ZBTB4: variants seen among roughly 807,000 people sequenced by gnomAD.
The protein encoded by ZBTB4 is zinc finger and BTB domain-containing protein 4.
ZBTB4 carries 14 observed loss-of-function variants against 59.8 expected under a neutral mutation model. That is an observed-to-expected ratio of 0.23 (90% CI 0.15 to 0.37). The LOEUF is 0.37. Among genes scored for constraint, ZBTB4 ranks in the 10% least tolerant of loss-of-function variants. The pLI is 1.00. For missense variants in ZBTB4, 1,198 were observed against 1,380.8 expected, an observed-to-expected ratio of 0.87 and a Z score of 2.10; for synonymous variants, 587 against 575.2, an observed-to-expected ratio of 1.02 and a Z score of -0.29.
intron 1 of ZBTB4, among the ~76,000 whole-genome samples, chr17:7,468,698 C>G (rs1287268450): frequency 6.6e-6 from 1 of 152,180 alleles, no homozygotes; most frequent in African/African-American, 2.4e-5. Flanking sequence ...CCGTGGGCCA[C>G]GTGTCTTCAG....
At chr17:7,464,952 C>T (rs1300306811) in intron 3 of ZBTB4, among the ~76,000 whole-genome samples, 2 of 150,076 alleles carry the variant, frequency 1.3e-5, no homozygotes, top group Non-Finnish European at 3.0e-5. Flanking sequence ...GTCAGGAAAT[C>T]GAGACCATAC....
chr17:7,468,350 G>A (rs1480631201), intron 1 of ZBTB4, among the ~76,000 whole-genome samples: 3 of 151,762 alleles, frequency 2.0e-5, no homozygotes, highest in Non-Finnish European at 4.4e-5. Flanking sequence ...TCCAGCCTGG[G>A]CAACAAGAGC....
rs768033681 is a variant in ZBTB4, at chr17:7,462,583, A to G, written c.2399T>C (p.Ile800Thr). 9 of 1,612,900 alleles carry G rather than the reference A, an allele frequency of 5.6e-6. No individual in the cohort carries two copies. The change falls in exon 4 of 4, where the codon ATT (isoleucine) becomes ACT (threonine). Residue 800 changes from isoleucine to threonine, a missense_variant. Coordinates refer to ENST00000380599, the MANE Select transcript of ZBTB4 (RefSeq NM_001128833.2). This position sits in a 1 kb window ranked among gnomAD's most constrained non-coding sequence, Gnocchi z 7.5. The stretch of plus-strand genomic sequence containing the variant: ...GCCAGCGCTGCCCTTGGAATAGGCA[A>G]TGACAGGGGTTGGGGTGCCCCCGGG... ...ERPGGTPTPV[I>T]AYSKGSAGTR... is the part of the protein sequence containing the mutation.
rs2070274087 is a variant in ZBTB4, at chr17:7,476,735, C to T, written c.-81+2721G>A. 3.9e-5 allele frequency among the ~76,000 whole-genome samples: 6 copies of T among 152,204 alleles called. No individual in the cohort carries two copies. The South Asian group carries it at 1.2e-3, about 31-fold the overall frequency. On this transcript the variant is annotated intron_variant, in intron 1 of 3. Coordinates refer to ENST00000380599, the MANE Select transcript of ZBTB4 (RefSeq NM_001128833.2). Reference sequence around the variant, plus strand: ...TTGTGCTCCTATGGCCAGCATCCACCTTACACAGCAGCAGAGACTCAGGTT... The same window carrying T: ...TTGTGCTCCTATGGCCAGCATCCACTTTACACAGCAGCAGAGACTCAGGTT...
chr17:7,462,504 T>G lies in ZBTB4; in HGVS notation c.2478A>C (p.Ser826=). ...EEAPQEMQVS[S]SSGEAGGGST... ...TCCCGCCACCTGCCTCACCGCTGGATGAGGAGACTTGCATCTCTTGGGGGG... is the reference window on the plus strand; with the variant it reads ...TCCCGCCACCTGCCTCACCGCTGGAGGAGGAGACTTGCATCTCTTGGGGGG... The change falls in exon 4 of 4, where the codon TCA becomes TCC. Residue 826 remains serine (S), a synonymous_variant. Transcript: ENST00000380599. This position sits in a 1 kb window ranked among gnomAD's most constrained non-coding sequence, Gnocchi z 7.5. 2 of 1,614,012 alleles carry G rather than the reference T, an allele frequency of 1.2e-6. No individual in the cohort carries two copies. The highest frequency in any genetic ancestry group is 1.7e-6 in the Non-Finnish European group (2 of 1,180,008).
At chr17:7,478,745 T>C (rs2070303015) in intron 1 of ZBTB4, among the ~76,000 whole-genome samples, 1 of 152,166 alleles carries the variant, frequency 6.6e-6, no homozygotes, top group African/African-American at 2.4e-5. Flanking sequence ...TACCCATCTG[T>C]CACCCAAAGC....
At chr17:7,480,741 A>T (rs931422557), upstream of ZBTB4, among the ~76,000 whole-genome samples, 3 of 152,006 alleles carry the variant, frequency 2.0e-5, no homozygotes, top group African/African-American at 7.3e-5. Context: ...AACAACAAAA[A>T]AACCTCTCTG....
intron 1 of ZBTB4, among the ~76,000 whole-genome samples, chr17:7,477,386 C>T (rs34293835): frequency 0.074 from 11,235 of 152,222 alleles, 624 homozygotes; most frequent in Admixed American, 0.14. Context: ...AGCCCTGGAC[C>T]ATGGCTCCTT....
chr17:7,470,174 G>C (rs1248876691), intron 1 of ZBTB4, among the ~76,000 whole-genome samples: 2 of 152,132 alleles, frequency 1.3e-5, no homozygotes, highest in Non-Finnish European at 2.9e-5. Flanking sequence ...GAGGCAGGTG[G>C]ATCCCTTGAG....
chr17:7,466,435 G>A lies in ZBTB4; in HGVS notation c.367C>T (p.Pro123Ser). The A allele has an allele frequency of 1.2e-6, 2 of 1,613,694 alleles. No homozygotes were observed. Among genetic ancestry groups the A allele is most frequent in the South Asian group, 1.1e-5 (1 of 91,006 alleles). ...ACTCCTGGCAACTCCAGGACCCGGGGTGGGGAAGAAGCAGGGGGAGAGGCT... is the reference window on the plus strand; with the variant it reads ...ACTCCTGGCAACTCCAGGACCCGGGATGGGGAAGAAGCAGGGGGAGAGGCT... ...PPASPPASSPPRVLELPGVPA... is the reference protein window; with the variant it reads ...PPASPPASSPSRVLELPGVPA... The change falls in exon 3 of 4, where the codon CCC (proline) becomes TCC (serine). Residue 123 changes from proline to serine, a missense_variant. Pro to Ser is a moderately conservative substitution (Grantham distance 74). This residue lies in a region of ZBTB4 where 83 missense variants were observed against 76.5 expected (regional missense o/e 1.09). Transcript: ENST00000380599. The surrounding 1 kb of genome is among the most constrained non-coding windows in gnomAD (Gnocchi z 9.1).
Position 7,463,217 on chromosome 17 carries a change from C to T in ZBTB4, c.1765G>A (p.Gly589Ser), listed in dbSNP as rs2070058574. 3 of 1,609,986 alleles carry T rather than the reference C, an allele frequency of 1.9e-6. No homozygotes were observed. The highest frequency in any genetic ancestry group is 2.7e-5 in the African/African-American group (2 of 74,948). ...GGGGGPPTGA[G>S]RGPSQLQAPP... ...GCCTGCAGCTGAGAGGGGCCCCGGC[C>T]AGCCCCTGTGGGGGGACCCCCACCT... is the stretch of plus-strand genomic sequence containing the variant. Residue 589 changes from glycine (G) to serine (S), a missense_variant, in exon 4 of 4, where the codon GGC becomes AGC. Physicochemically the swap from Gly to Ser is moderately conservative, Grantham distance 56. Transcript: ENST00000380599.
chr17:7,482,013 C>T (rs530873703), upstream of ZBTB4: 37 of 1,605,496 alleles, frequency 2.3e-5, 1 homozygote, highest in African/African-American at 8.0e-5. Flanking sequence ...TACTTGAACC[C>T]GCCTGACTCC....
At chr17:7,464,024 C>T in intron 3 of ZBTB4, 134 bp from the exon 4 acceptor site, 2 of 1,448,410 alleles carry the variant, frequency 1.4e-6, no homozygotes, top group Non-Finnish European at 9.1e-7. Flanking sequence ...CCTCACCAGG[C>T]CAGCCTCAGT....
In ZBTB4 at chr17:7,463,115, G is replaced by T; in HGVS notation, c.1867C>A (p.Leu623Met). Residue 623 changes from leucine to methionine, a missense_variant, in exon 4 of 4, where the codon CTG becomes ATG. Around this residue, in one of 9 missense-constraint regions of ZBTB4, gnomAD observed 550 missense variants for 541.8 expected, o/e 1.02. Transcript: ENST00000380599. ...TCTCCGCTCAGCTCCCCAGGACGCA[G>T]GTCAGTCTCTGAGATGCGGCGCTTG... ...IVKRRISETD[L>M]RPGELSGEEM... The T allele has an allele frequency of 6.2e-7, 1 of 1,609,970 alleles. No individual in the cohort carries two copies. The highest frequency in any genetic ancestry group is 8.5e-7 in the Non-Finnish European group (1 of 1,179,136).
chr17:7,463,723 A>G lies in ZBTB4; in HGVS notation c.1259T>C (p.Met420Thr), dbSNP rs1229572050. The change falls in exon 4 of 4, where the codon ATG (methionine) becomes ACG (threonine). Residue 420 changes from methionine (M) to threonine (T), a missense_variant. Met to Thr is a moderately conservative substitution (Grantham distance 81). Transcript: ENST00000380599. ...CTTGTAGGGCCGCTTGGCTGCCCGC[A>G]TGGGGAGCAGGCGGTAGAGCTTGAG... ...NTLKLYRLLP[M>T]RAAKRPYKTY... 4.3e-6 allele frequency: 7 copies of G among 1,613,860 alleles called. No individual in the cohort carries two copies. The highest frequency in any genetic ancestry group is 5.9e-6 in the Non-Finnish European group (7 of 1,180,012).
At chr17:7,477,780 T>C (rs540494499) in intron 1 of ZBTB4, among the ~76,000 whole-genome samples, 1 of 152,066 alleles carries the variant, frequency 6.6e-6, no homozygotes, top group Non-Finnish European at 1.5e-5. Flanking sequence ...TTTTTTCCAT[T>C]TTAGTGACAA....
In ZBTB4 at chr17:7,462,722, T is replaced by C; in HGVS notation, c.2260A>G (p.Ser754Gly). The C allele has an allele frequency of 6.2e-7, 1 of 1,604,100 alleles. No homozygotes were observed. Among genetic ancestry groups the C allele is most frequent in the South Asian group, 1.1e-5 (1 of 91,078 alleles). ...HQEAHGGGSHSSRAGRRPSTR... is the reference protein window; with the variant it reads ...HQEAHGGGSHGSRAGRRPSTR... Reference sequence around the variant, plus strand: ...GAGGGCCTCCGTCCGGCCCGGGAGCTGTGGGAGCCCCCACCGTGGGCCTCT... The same window carrying C: ...GAGGGCCTCCGTCCGGCCCGGGAGCCGTGGGAGCCCCCACCGTGGGCCTCT... Residue 754 changes from serine to glycine, a missense_variant, in exon 4 of 4, where the codon AGC becomes GGC. By Grantham distance (56) the Ser-to-Gly change is moderately conservative. Coordinates refer to ENST00000380599, the MANE Select transcript of ZBTB4 (RefSeq NM_001128833.2). The surrounding 1 kb of genome is among the most constrained non-coding windows in gnomAD (Gnocchi z 7.5).
chr17:7,482,849 G>T, upstream of ZBTB4: 1 of 1,612,056 alleles, frequency 6.2e-7, no homozygotes, highest in Non-Finnish European at 8.5e-7. Flanking sequence ...CCTGCATTCC[G>T]AGGTGGTGGT....
rs1217860296 is a variant in ZBTB4 at position 7,460,230 on chromosome 17, A to G, written c.*1710T>C. The G allele has an allele frequency of 6.6e-6, 1 of 152,606 alleles. No individual in the cohort carries two copies. The highest frequency in any genetic ancestry group is 1.9e-4 in the East Asian group (1 of 5,194). 9.5% of individuals were successfully genotyped at this position (152,606 alleles called of 1,614,324 possible). On this transcript the variant is annotated 3_prime_UTR_variant, in exon 4 of 4. Coordinates refer to ENST00000380599, the MANE Select transcript of ZBTB4 (RefSeq NM_001128833.2). ...TGTGGCCAAGACCAAGAAAAGTGCAAAGAGACAGAGGAGGAATGAAGGAGT... is the reference window on the plus strand; with the variant it reads ...TGTGGCCAAGACCAAGAAAAGTGCAGAGAGACAGAGGAGGAATGAAGGAGT...
Sources: gnomAD v4.1 joint callset for allele counts (sites outside exome capture counted in the v4.1 genomes callset) on GRCh38, gnomAD v4.1.1 for gene constraint, gnomAD v4.1.1 regional missense constraint, Gnocchi (gnomAD v3.1) non-coding constraint, MANE v1.5 for transcripts, NCBI Gene and HGNC (gene_info 2026-07-23, HGNC 2026-07-21) for gene names.